Variants in TMEM276 observed in about 807,000 individuals in gnomAD.
The protein encoded by TMEM276 is transmembrane protein 276.
chr8:144,464,298 G>A, the TMEM276 span: 7 of 1,613,264 alleles, frequency 4.3e-6, no homozygotes, highest in Non-Finnish European at 5.9e-6. Context: ...TCCCATAAGT[G>A]TTGGCCGTGA....
At chr8:144,464,360 C>T in the TMEM276 span, 96 of 1,611,510 alleles carry the variant, frequency 6.0e-5, no homozygotes, top group East Asian at 1.8e-3. Context: ...ATTGCCTGAC[C>T]AGCCACAGAG....
chr8:144,466,980 G>A, the TMEM276 span: 3,308 of 1,596,462 alleles, frequency 2.1e-3, 62 homozygotes, highest in African/African-American at 0.04. Flanking sequence ...CCTGAGGATG[G>A]GTCGGAAGGC....
At chr8:144,466,789 C>A in the TMEM276 span, 3 of 1,534,840 alleles carry the variant, frequency 2.0e-6, no homozygotes, top group Non-Finnish European at 2.6e-6. Flanking sequence ...GTCGCCGGCG[C>A]CCAGACCTGC....
At chr8:144,466,515 C>T in the TMEM276 span, 40 of 1,281,664 alleles carry the variant, frequency 3.1e-5, no homozygotes, top group Non-Finnish European at 3.7e-5. Context: ...GGGACCCCGC[C>T]CAGGTGAGCG....
chr8:144,466,666 A>T, the TMEM276 span: 1 of 1,120,188 alleles, frequency 8.9e-7, no homozygotes, highest in East Asian at 3.1e-5. Flanking sequence ...GGAAGCGTAG[A>T]CTTCGGCCCC....
At chr8:144,466,940 C>T in the TMEM276 span, 37 of 1,585,412 alleles carry the variant, frequency 2.3e-5, no homozygotes, top group African/African-American at 1.1e-4. Context: ...TGTCTCCCGC[C>T]CTCCTCCCTG....
the TMEM276 span, chr8:144,465,709 C>T: frequency 2.9e-5 from 1 of 34,806 alleles, no homozygotes; most frequent in Non-Finnish European, 5.0e-5. Context: ...AGGGCCGGGG[C>T]GGGGCTGCGA....
chr8:144,465,471 C>T, the TMEM276 span: 15 of 989,652 alleles, frequency 1.5e-5, no homozygotes, highest in African/African-American at 2.7e-4. Context: ...CGAGCGCGGT[C>T]GGGAACCTCC....
chr8:144,465,579 G>C, the TMEM276 span: 10 of 195,290 alleles, frequency 5.1e-5, no homozygotes, highest in Admixed American at 3.3e-4. Context: ...ACCTGGGGGG[G>C]GCCGGTTGGA....
the TMEM276 span, chr8:144,466,804 G>T: frequency 3.4e-5 from 53 of 1,537,200 alleles, no homozygotes; most frequent in Non-Finnish European, 4.6e-5. Flanking sequence ...ACCTGCCCGC[G>T]CCAGAGCTGT....
At chr8:144,466,452 C>T in the TMEM276 span, 16 of 1,361,048 alleles carry the variant, frequency 1.2e-5, no homozygotes, top group African/African-American at 4.6e-5. Context: ...TCATCTACAT[C>T]TTCTACAGCC....
the TMEM276 span, chr8:144,465,329 G>T: frequency 9.5e-7 from 1 of 1,049,966 alleles, no homozygotes; most frequent in Non-Finnish European, 1.2e-6. Context: ...GCAGGACTCC[G>T]GGAGGCCAGC....
the TMEM276 span, chr8:144,466,772 C>T: frequency 6.5e-7 from 1 of 1,532,380 alleles, no homozygotes; most frequent in East Asian, 2.5e-5. Flanking sequence ...AGCCCGCAAG[C>T]CCCGGGGTCG....
At chr8:144,466,907 T>A in the TMEM276 span, 1 of 1,561,114 alleles carries the variant, frequency 6.4e-7, no homozygotes. Context: ...GGCGGAGGCC[T>A]GGCTCAAGCA....
chr8:144,464,647 A>T, the TMEM276 span: 2 of 1,583,036 alleles, frequency 1.3e-6, no homozygotes, highest in South Asian at 2.3e-5. Flanking sequence ...ACGTGGGAAA[A>T]AGAGGCCGGG....
At chr8:144,464,080 G>A in the TMEM276 span, 31 of 1,569,250 alleles carry the variant, frequency 2.0e-5, no homozygotes, top group Non-Finnish European at 2.7e-5. Context: ...CAGGTGGGAG[G>A]GAAAGTGTTC....
At chr8:144,466,269 C>G in the TMEM276 span, 2 of 211,006 alleles carry the variant, frequency 9.5e-6, no homozygotes, top group East Asian at 2.3e-4. Context: ...CTAGTACCCC[C>G]GTCCCCGCGC....
the TMEM276 span, chr8:144,465,461 C>T: frequency 2.8e-5 from 28 of 993,804 alleles, no homozygotes; most frequent in African/African-American, 4.2e-4. Context: ...GTTGCGGGAG[C>T]GAGCGCGGTC....
At chr8:144,466,386 C>T in the TMEM276 span, 2 of 990,676 alleles carry the variant, frequency 2.0e-6, no homozygotes, top group South Asian at 2.9e-5. Context: ...CGCGGGGCGG[C>T]GCGAAGCGGG....
Sources: gnomAD v4.1 joint callset for allele counts on GRCh38, gnomAD v4.1.1 for gene constraint, MANE v1.5 for transcripts, NCBI Gene and HGNC (gene_info 2026-07-23, HGNC 2026-07-21) for gene names.